The following SOWAHB variants were observed in gnomAD, a reference collection of about 807,000 sequenced individuals.
SOWAHB encodes the protein ankyrin repeat domain-containing protein SOWAHB.
SOWAHB carries 17 observed loss-of-function variants against 18.3 expected under a neutral mutation model. The ratio of observed to expected loss-of-function variants is 0.93; its 90% CI spans 0.64 to 1.40. SOWAHB has a LOEUF of 1.40. SOWAHB is among the 40% of genes most tolerant of loss of function. The pLI, the probability that SOWAHB is intolerant of heterozygous loss-of-function variation, is 0.00. For missense variants in SOWAHB, 1,126 were observed against 1,033.7 expected, an observed-to-expected ratio of 1.09 and a Z score of -1.22; for synonymous variants, 496 against 448.1, an observed-to-expected ratio of 1.11 and a Z score of -1.35.
In SOWAHB at chr4:76,897,578, T is replaced by C. The variant is rs1450458556; in HGVS notation, c.272A>G (p.Glu91Gly). The C allele has an allele frequency of 6.2e-7, 1 of 1,601,558 alleles. No homozygotes were observed. The highest frequency in any genetic ancestry group is 8.5e-7 in the Non-Finnish European group (1 of 1,177,594). ...TGCACTGGGGGCGGCCGCGGGCGGC[T>C]CGCGGGGTCGCTGCAGCCCCTCCTC... is the stretch of plus-strand genomic sequence containing the variant. The part of the protein sequence containing the change: ...LGEEGLQRPR[E>G]PPAAAPSAGG... Residue 91 changes from glutamate to glycine, a missense_variant, in exon 1 of 1, where the codon GAG becomes GGG. Physicochemically the swap from Glu to Gly is moderately conservative, Grantham distance 98. Transcript: ENST00000334306. This position sits in a 1 kb window ranked among gnomAD's most constrained non-coding sequence, Gnocchi z 6.4.
Position 76,897,585 on chromosome 4 carries a change from G to T in SOWAHB, c.265C>A (p.Pro89Thr). The change falls in exon 1 of 1, where the codon CCC (proline) becomes ACC (threonine). Residue 89 changes from proline (P) to threonine (T), a missense_variant. Physicochemically the swap from Pro to Thr is conservative, Grantham distance 38. Transcript: ENST00000334306. This position sits in a 1 kb window ranked among gnomAD's most constrained non-coding sequence, Gnocchi z 6.4. ...GGGGCGGCCGCGGGCGGCTCGCGGG[G>T]TCGCTGCAGCCCCTCCTCCCCCAAA... is the stretch of plus-strand genomic sequence containing the variant. ...DLLGEEGLQR[P>T]REPPAAAPSA... is the part of the protein sequence containing the mutation. 6.2e-7 allele frequency: 1 copy of T among 1,604,424 alleles called. No individual in the cohort carries two copies. The highest frequency in any genetic ancestry group is 1.1e-5 in the South Asian group (1 of 90,832).
rs1012064051 is a variant in SOWAHB at position 76,897,514 on chromosome 4, C to A, written c.336G>T (p.Arg112=). The A allele has an allele frequency of 2.9e-5, 41 of 1,418,808 alleles. No homozygotes were observed. The highest frequency in any genetic ancestry group is 3.3e-5 in the Admixed American group (1 of 30,152). 87.9% of individuals were successfully genotyped at this position (1,418,808 alleles called of 1,614,324 possible). Residue 112 remains arginine (R), a synonymous_variant, in exon 1 of 1, where the codon CGG becomes CGT. Coordinates refer to ENST00000334306, the MANE Select transcript of SOWAHB (RefSeq NM_001029870.3). This position sits in a 1 kb window ranked among gnomAD's most constrained non-coding sequence, Gnocchi z 6.4. ...TGGGCTGCTGCTGGGGCGGCTCCCC[C>A]CGGCGCGCGCCTCGCGGGGAGCAGG... ...AAPCSPRGAR[R]GEPPQQQPRR...
chr4:76,897,036 GGGAA>G lies in SOWAHB; in HGVS notation c.810_813del (p.Ser271ArgfsTer18). ...GCGGGGCCGGGCAGGAGAGCAGGCG[GGGAA>G]GCCCTGCTTGTCGCAGCCTCGACGG... On this transcript the variant is annotated frameshift_variant, in exon 1 of 1. Coordinates refer to ENST00000334306, the MANE Select transcript of SOWAHB (RefSeq NM_001029870.3). LOFTEE classifies it low-confidence loss of function (END_TRUNC). This position sits in a 1 kb window ranked among gnomAD's most constrained non-coding sequence, Gnocchi z 6.4. The G allele has an allele frequency of 6.5e-7, 1 of 1,547,558 alleles. No individual in the cohort carries two copies. Among genetic ancestry groups the G allele is most frequent in the Non-Finnish European group, 8.7e-7 (1 of 1,153,018 alleles).
chr4:76,894,682 A>G lies in SOWAHB; in HGVS notation c.*786T>C, dbSNP rs1159480264. On this transcript the variant is annotated 3_prime_UTR_variant, in exon 1 of 1. Coordinates refer to ENST00000334306, the MANE Select transcript of SOWAHB (RefSeq NM_001029870.3). ...AAAGATGGTTTCAGTCACTATGTAA[A>G]TGAGCCACATGGTTTTTACATTTGG... is the stretch of plus-strand genomic sequence containing the variant. Among the ~76,000 whole-genome samples, 1 of 152,226 alleles carries G rather than the reference A, an allele frequency of 6.6e-6. No individual in the cohort carries two copies. Among genetic ancestry groups the G allele is most frequent in the East Asian group, 1.9e-4 (1 of 5,202 alleles).
chr4:76,896,597 GC>G lies in SOWAHB; in HGVS notation c.1252del (p.Ala418LeufsTer65). 1 of 1,613,804 alleles carries G rather than the reference GC, an allele frequency of 6.2e-7. No homozygotes were observed. Among genetic ancestry groups the G allele is most frequent in the African/African-American group, 1.3e-5 (1 of 75,018 alleles). On this transcript the variant is annotated frameshift_variant, in exon 1 of 1. Coordinates refer to ENST00000334306, the MANE Select transcript of SOWAHB (RefSeq NM_001029870.3). LOFTEE classifies it low-confidence loss of function (END_TRUNC). ...GACAACCTGCAGCCCCTCTTCAGAA[GC>G]CCCCGGGGAGTCTTTGGGCCCACTG... ...SSSGPKDSPG[A>X]SEEGLQVVLG...
chr4:76,897,004 G>T lies in SOWAHB; in HGVS notation c.846C>A (p.Arg282=). The T allele has an allele frequency of 6.4e-7, 1 of 1,564,500 alleles. No individual in the cohort carries two copies. The change falls in exon 1 of 1, where the codon CGC becomes CGA. Residue 282 remains arginine (R), a synonymous_variant. Transcript: ENST00000334306. This position sits in a 1 kb window ranked among gnomAD's most constrained non-coding sequence, Gnocchi z 6.4. ...PPALLPGPAP[R]GDRPELLTPS... is the part of the protein sequence containing the mutation. ...GGGTCAGCAGCTCCGGCCGGTCTCC[G>T]CGGGGAGCGGGGCCGGGCAGGAGAG...
In SOWAHB at chr4:76,897,873, A is replaced by G. The variant is rs1318881148; in HGVS notation, c.-24T>C. On this transcript the variant is annotated 5_prime_UTR_variant, in exon 1 of 1. Transcript: ENST00000334306. This position sits in a 1 kb window ranked among gnomAD's most constrained non-coding sequence, Gnocchi z 6.4. ...ATCGCTGCCTTGTCCTCCGCCCCAG[A>G]GGTGTCTGAGTCTCGCCCTCCCGGG... 3.2e-6 allele frequency: 5 copies of G among 1,577,150 alleles called. No individual in the cohort carries two copies. In the Admixed American group the frequency reaches 7.0e-5, roughly 22 times the overall value.
Position 76,895,414 on chromosome 4 carries a change from C to G in SOWAHB, c.*54G>C. The G allele has an allele frequency of 6.7e-7, 1 of 1,488,684 alleles. No individual in the cohort carries two copies. Among genetic ancestry groups the G allele is most frequent in the Non-Finnish European group, 9.1e-7 (1 of 1,104,690 alleles). 92.2% of individuals were successfully genotyped at this position (1,488,684 alleles called of 1,614,324 possible). On this transcript the variant is annotated 3_prime_UTR_variant, in exon 1 of 1. Transcript: ENST00000334306. ...AGCTTTTCTATTCCCCCTGAATTCT[C>G]TCACTGAGCAGGATGAGGGAGTGCT... is the stretch of plus-strand genomic sequence containing the variant.
rs1343067616 is a variant in SOWAHB, at chr4:76,896,203, T to C, written c.1647A>G (p.Leu549=). ...CAACAGCCTTAACCTCTGCAAGTTT[T>C]AGTGATAAACCTGCATCAACCCTTG... is the stretch of plus-strand genomic sequence containing the variant. ...PSPRVDAGLS[L]KLAEVKAVVA... The change falls in exon 1 of 1, where the codon CTA becomes CTG. Residue 549 remains leucine, a synonymous_variant. Coordinates refer to ENST00000334306, the MANE Select transcript of SOWAHB (RefSeq NM_001029870.3). 9 of 1,561,960 alleles carry C rather than the reference T, an allele frequency of 5.8e-6. No individual in the cohort carries two copies. The highest frequency in any genetic ancestry group is 4.1e-5 in the African/African-American group (3 of 72,934).
At position 76,897,238 on chromosome 4, in the gene SOWAHB, G is replaced by T; in HGVS notation, c.612C>A (p.Asn204Lys). ...CGAGCTCTCCCGGCAGTACAGCCAG[G>T]TTGTTCTGGAGGCATTCCCAGCAGC... ...GRCCWECLQNNLAVLPGELGA... is the reference protein window; with the variant it reads ...GRCCWECLQNKLAVLPGELGA... The change falls in exon 1 of 1, where the codon AAC (asparagine) becomes AAA (lysine). Residue 204 changes from asparagine to lysine, a missense_variant. Coordinates refer to ENST00000334306, the MANE Select transcript of SOWAHB (RefSeq NM_001029870.3). This position sits in a 1 kb window ranked among gnomAD's most constrained non-coding sequence, Gnocchi z 6.4. The T allele has an allele frequency of 3.8e-6, 6 of 1,580,610 alleles. No homozygotes were observed. The highest frequency in any genetic ancestry group is 5.1e-6 in the Non-Finnish European group (6 of 1,171,624).
chr4:76,897,563 G>A lies in SOWAHB; in HGVS notation c.287C>T (p.Ala96Val), dbSNP rs1472917011. 3.8e-6 allele frequency: 6 copies of A among 1,584,126 alleles called. No homozygotes were observed. Among genetic ancestry groups the A allele is most frequent in the African/African-American group, 2.7e-5 (2 of 74,114 alleles). Reference sequence around the variant, plus strand: ...GGGCGCAGCTCCCCCTGCACTGGGGGCGGCCGCGGGCGGCTCGCGGGGTCG... The same window carrying A: ...GGGCGCAGCTCCCCCTGCACTGGGGACGGCCGCGGGCGGCTCGCGGGGTCG... ...LQRPREPPAA[A>V]PSAGGAAPCS... Residue 96 changes from alanine to valine, a missense_variant, in exon 1 of 1, where the codon GCC becomes GTC. Coordinates refer to ENST00000334306, the MANE Select transcript of SOWAHB (RefSeq NM_001029870.3). The surrounding 1 kb of genome is among the most constrained non-coding windows in gnomAD (Gnocchi z 6.4).
chr4:76,896,563 G>A lies in SOWAHB; in HGVS notation c.1287C>T (p.Thr429=), dbSNP rs141077091. Residue 429 remains threonine (T), a synonymous_variant, in exon 1 of 1, where the codon ACC becomes ACT. Coordinates refer to ENST00000334306, the MANE Select transcript of SOWAHB (RefSeq NM_001029870.3). ...SEEGLQVVLG[T]PDRGKLRNPA... is the part of the protein sequence containing the mutation. ...GATTCCTGAGCTTCCCCCTATCTGG[G>A]GTTCCCAAGACAACCTGCAGCCCCT... The A allele has an allele frequency of 2.1e-4, 336 of 1,613,404 alleles. No individual in the cohort carries two copies. The highest frequency in any genetic ancestry group is 2.5e-4 in the Non-Finnish European group (290 of 1,180,022).
In SOWAHB at chr4:76,897,061, G is replaced by C. The variant is rs571682375; in HGVS notation, c.789C>G (p.Val263=). ...PAVAHSPPAT[V]EAATSRASPP... ...GGGAAGCCCTGCTTGTCGCAGCCTC[G>C]ACGGTGGCGGGAGGCGAGTGAGCCA... Residue 263 remains valine, a synonymous_variant, in exon 1 of 1, where the codon GTC becomes GTG. Coordinates refer to ENST00000334306, the MANE Select transcript of SOWAHB (RefSeq NM_001029870.3). This position sits in a 1 kb window ranked among gnomAD's most constrained non-coding sequence, Gnocchi z 6.4. The C allele has an allele frequency of 6.5e-7, 1 of 1,539,872 alleles. No homozygotes were observed. The highest frequency in any genetic ancestry group is 1.4e-5 in the African/African-American group (1 of 73,474).
Position 76,897,430 on chromosome 4 carries a change from G to A in SOWAHB, c.420C>T (p.Ala140=), listed in dbSNP as rs772504558. 8 of 1,514,846 alleles carry A rather than the reference G, an allele frequency of 5.3e-6. No individual in the cohort carries two copies. The highest frequency in any genetic ancestry group is 6.1e-6 in the Non-Finnish European group (7 of 1,138,738). 93.8% of individuals were successfully genotyped at this position (1,514,846 alleles called of 1,614,324 possible). Reference sequence around the variant, plus strand: ...GGAGTCCATTGCAAGCTGCGTCGGCGGCTCTGGCTGCTGCACCTGCTGGCT... The same window carrying A: ...GGAGTCCATTGCAAGCTGCGTCGGCAGCTCTGGCTGCTGCACCTGCTGGCT... ...EEEPAGAAAR[A]ADAACNGLPG... is the part of the protein sequence containing the mutation. The change falls in exon 1 of 1, where the codon GCC becomes GCT. Residue 140 remains alanine, a synonymous_variant. Coordinates refer to ENST00000334306, the MANE Select transcript of SOWAHB (RefSeq NM_001029870.3). This position sits in a 1 kb window ranked among gnomAD's most constrained non-coding sequence, Gnocchi z 6.4.
Position 76,897,163 on chromosome 4 carries a change from C to A in SOWAHB, c.687G>T (p.Leu229=). The change falls in exon 1 of 1, where the codon CTG becomes CTT. Residue 229 remains leucine (L), a synonymous_variant. Transcript: ENST00000334306. This position sits in a 1 kb window ranked among gnomAD's most constrained non-coding sequence, Gnocchi z 6.4. ...ATAEEKPARA[L]PAQDDRGASR... Reference sequence around the variant, plus strand: ...AAGCCCCGCGGTCATCCTGGGCAGGCAGAGCCCGTGCCGGCTTCTCCTCCG... The same window carrying A: ...AAGCCCCGCGGTCATCCTGGGCAGGAAGAGCCCGTGCCGGCTTCTCCTCCG... 1 of 1,562,520 alleles carries A rather than the reference C, an allele frequency of 6.4e-7. No individual in the cohort carries two copies. The highest frequency in any genetic ancestry group is 1.2e-5 in the South Asian group (1 of 86,002).
chr4:76,896,506 C>G lies in SOWAHB; in HGVS notation c.1344G>C (p.Glu448Asp). Residue 448 changes from glutamate (E) to aspartate (D), a missense_variant, in exon 1 of 1, where the codon GAG becomes GAC. Physicochemically the swap from Glu to Asp is conservative, Grantham distance 45 (BLOSUM62 2). Coordinates refer to ENST00000334306, the MANE Select transcript of SOWAHB (RefSeq NM_001029870.3). ...CCTGAGGGCTCCGGCTGGGGCTGCCCTCCTTCCGAGATACAGAAAGGCCCC... is the reference window on the plus strand; with the variant it reads ...CCTGAGGGCTCCGGCTGGGGCTGCCGTCCTTCCGAGATACAGAAAGGCCCC... ...PAGGLSVSRK[E>D]GSPSRSPQGL... 6.2e-7 allele frequency: 1 copy of G among 1,612,944 alleles called. No individual in the cohort carries two copies. Among genetic ancestry groups the G allele is most frequent in the Non-Finnish European group, 8.5e-7 (1 of 1,179,844 alleles).
In SOWAHB at chr4:76,896,195, G is replaced by T. The variant is rs368810272; in HGVS notation, c.1655C>A (p.Ala552Glu). ...CTCGGCCACAACAGCCTTAACCTCT[G>T]CAAGTTTTAGTGATAAACCTGCATC... is the stretch of plus-strand genomic sequence containing the variant. ...RVDAGLSLKLAEVKAVVAERG... is the reference protein window; with the variant it reads ...RVDAGLSLKLEEVKAVVAERG... The change falls in exon 1 of 1, where the codon GCA (alanine) becomes GAA (glutamate). Residue 552 changes from alanine to glutamate, a missense_variant. Ala to Glu is a moderately radical substitution (Grantham distance 107). Transcript: ENST00000334306. 1.3e-6 allele frequency: 2 copies of T among 1,559,776 alleles called. No homozygotes were observed. Among genetic ancestry groups the T allele is most frequent in the African/African-American group, 2.7e-5 (2 of 72,936 alleles).
In SOWAHB at chr4:76,897,793, G is replaced by T; in HGVS notation, c.57C>A (p.Gly19=). Residue 19 remains glycine (G), a synonymous_variant, in exon 1 of 1, where the codon GGC becomes GGA. Transcript: ENST00000334306. This position sits in a 1 kb window ranked among gnomAD's most constrained non-coding sequence, Gnocchi z 6.4. ...ALLDFLCQAG[G]RVTNAALLSH... is the part of the protein sequence containing the mutation. Reference sequence around the variant, plus strand: ...TCAGCAAGGCAGCGTTGGTCACGCGGCCCCCAGCCTGGCACAGAAAGTCCA... The same window carrying T: ...TCAGCAAGGCAGCGTTGGTCACGCGTCCCCCAGCCTGGCACAGAAAGTCCA... 1 of 1,601,712 alleles carries T rather than the reference G, an allele frequency of 6.2e-7. No individual in the cohort carries two copies.
rs191854270 is a variant in SOWAHB, at chr4:76,896,662, G to A, written c.1188C>T (p.Asp396=). 3.1e-6 allele frequency: 5 copies of A among 1,614,044 alleles called. No individual in the cohort carries two copies. The Admixed American group carries it at 8.3e-5, about 27-fold the overall frequency. ...RCQLSLQDLD[D]FVDQESDGSE... ...TGCCATCACTCTCCTGGTCCACAAA[G>A]TCATCCAGATCTTGGAGGGACAGCT... The change falls in exon 1 of 1, where the codon GAC becomes GAT. Residue 396 remains aspartate, a synonymous_variant. Transcript: ENST00000334306.
Sources: allele counts gnomAD v4.1 joint callset (sites outside exome capture counted in the v4.1 genomes callset), GRCh38; gene constraint gnomAD v4.1.1; non-coding constraint Gnocchi (gnomAD v3.1); transcripts MANE v1.5; gene names NCBI Gene and HGNC (gene_info 2026-07-23, HGNC 2026-07-21).